The following MOSMO variants were observed in gnomAD, a reference collection of about 807,000 sequenced individuals.
The protein encoded by MOSMO is modulator of smoothened, also known as modulator of smoothened protein.
In MOSMO, 5 loss-of-function variants were observed where a neutral mutation model predicts 18.4. That is an observed-to-expected ratio of 0.27 (90% CI 0.14 to 0.57). MOSMO has a LOEUF of 0.57. Among genes scored for constraint, MOSMO ranks in the 20% least tolerant of loss-of-function variants. The probability of loss-of-function intolerance (pLI) is 0.92; values close to 1 mark genes in which losing one functional copy is unlikely to be tolerated. For synonymous variants in MOSMO, 82 were observed against 82.3 expected (o/e 1.00, Z 0.02); for missense variants, 138 against 211.8 (o/e 0.65, Z 2.16).
intron 1 of MOSMO, among the ~76,000 whole-genome samples, chr16:22,066,136 G>T (rs1270760033): frequency 6.6e-6 from 1 of 152,084 alleles, no homozygotes; most frequent in Non-Finnish European, 1.5e-5. Context: ...AGGGCAGGGG[G>T]TTTGGTACTT....
At chr16:22,029,537 C>T (rs985131033) in intron 1 of MOSMO, among the ~76,000 whole-genome samples, 1 of 152,204 alleles carries the variant, frequency 6.6e-6, no homozygotes, top group Non-Finnish European at 1.5e-5. Flanking sequence ...ACTTTACACA[C>T]TTAAGTCTGC....
chr16:22,086,049 C>G (rs952564837), downstream of MOSMO: 20 of 152,158 alleles, frequency 1.3e-4, no homozygotes, highest in Admixed American at 1.2e-3. Context: ...TCCAAAGTCA[C>G]TCAACTAGAT....
intron 1 of MOSMO, 50 bp from the exon 2 acceptor site, chr16:22,075,437 C>A: frequency 7.0e-7 from 1 of 1,426,334 alleles, no homozygotes; most frequent in Non-Finnish European, 9.6e-7. Flanking sequence ...GGAATATTCC[C>A]TGGACAGGCC....
chr16:22,043,205 T>A (rs962312692), intron 1 of MOSMO, among the ~76,000 whole-genome samples: 7 of 152,186 alleles, frequency 4.6e-5, no homozygotes, highest in Admixed American at 4.6e-4. Context: ...GGCCATTAGG[T>A]TGCTAGCATG....
At chr16:22,041,983 T>C (rs74948583) in intron 1 of MOSMO, among the ~76,000 whole-genome samples, 465 of 152,290 alleles carry the variant, frequency 3.1e-3, no homozygotes, top group African/African-American at 0.01. Context: ...ACTATGCCTA[T>C]TCATCTTCTT....
At chr16:22,053,530 C>G (rs945916251) in intron 1 of MOSMO, among the ~76,000 whole-genome samples, 1 of 151,932 alleles carries the variant, frequency 6.6e-6, no homozygotes, top group Non-Finnish European at 1.5e-5. Context: ...CAGCCAGGCA[C>G]GGGGGCTCAT....
intron 1 of MOSMO, among the ~76,000 whole-genome samples, chr16:22,042,113 G>A (rs930633693): frequency 1.3e-5 from 2 of 152,132 alleles, no homozygotes; most frequent in Non-Finnish European, 2.9e-5. Context: ...GTATGACCTT[G>A]ATTTTTTTCC....
intron 1 of MOSMO, among the ~76,000 whole-genome samples, chr16:22,056,365 C>CTTTTTT (rs35642716): frequency 5.1e-4 from 28 of 54,610 alleles, no homozygotes; most frequent in East Asian, 2.4e-3. Context: ...TTCTTTCTTT[C>CTTTTTT]TTTTTTTTTT....
At chr16:22,076,788 C>G (rs1900977920) in intron 2 of MOSMO, among the ~76,000 whole-genome samples, 1 of 152,186 alleles carries the variant, frequency 6.6e-6, no homozygotes. Flanking sequence ...TCATGAGCCT[C>G]TGTTTCTTCC....
chr16:22,041,728 T>C (rs1042599772), intron 1 of MOSMO, among the ~76,000 whole-genome samples: 1 of 152,084 alleles, frequency 6.6e-6, no homozygotes, highest in African/African-American at 2.4e-5. Flanking sequence ...TTGCCCAGGC[T>C]GGGCAGTTGC....
chr16:22,029,607 T>C (rs1899952975), intron 1 of MOSMO, among the ~76,000 whole-genome samples: 1 of 152,202 alleles, frequency 6.6e-6, no homozygotes, highest in Admixed American at 6.5e-5. Flanking sequence ...GGACTTTTAG[T>C]AGAATTAATT....
At chr16:22,008,845 G>C (rs1001433800) in intron 1 of MOSMO, among the ~76,000 whole-genome samples, 1 of 152,154 alleles carries the variant, frequency 6.6e-6, no homozygotes, top group African/African-American at 2.4e-5. Flanking sequence ...TGAGAGTGAG[G>C]CAGCCTGCGG....
At chr16:22,051,855 C>T (rs1289033188) in intron 1 of MOSMO, among the ~76,000 whole-genome samples, 3 of 152,096 alleles carry the variant, frequency 2.0e-5, no homozygotes. Context: ...TCCAGGTAGA[C>T]AGTGTCAGAA....
At chr16:22,075,817 T>C in intron 2 of MOSMO, 118 bp downstream of exon 2, 3 of 719,026 alleles carry the variant, frequency 4.2e-6, no homozygotes, top group Non-Finnish European at 7.1e-6. Flanking sequence ...GCACCACTTG[T>C]GTATGGCCGT....
intron 1 of MOSMO, among the ~76,000 whole-genome samples, chr16:22,072,722 G>A (rs1226017614): frequency 6.6e-6 from 1 of 151,512 alleles, no homozygotes; most frequent in African/African-American, 2.4e-5. Flanking sequence ...TGAGGCAGGA[G>A]AATGGCGTGA....
intron 1 of MOSMO, among the ~76,000 whole-genome samples, chr16:22,024,262 TTGAA>T (rs1899829219): frequency 6.6e-6 from 1 of 152,034 alleles, no homozygotes; most frequent in Admixed American, 6.5e-5. Context: ...TGAATGTTGA[TTGAA>T]TGAGTGAAAT....
chr16:22,051,638 A>G (rs1249322676), intron 1 of MOSMO, among the ~76,000 whole-genome samples: 1 of 152,160 alleles, frequency 6.6e-6, no homozygotes, highest in Non-Finnish European at 1.5e-5. Context: ...CTTTATATTA[A>G]TAATAAATCA....
intron 1 of MOSMO, among the ~76,000 whole-genome samples, chr16:22,025,385 T>C (rs1033614211): frequency 2.6e-5 from 4 of 152,182 alleles, no homozygotes; most frequent in Non-Finnish European, 5.9e-5. Flanking sequence ...TTGTAATAAA[T>C]ATTAAGTTGT....
At chr16:22,056,934 A>C (rs2141754340) in intron 1 of MOSMO, among the ~76,000 whole-genome samples, 1 of 152,340 alleles carries the variant, frequency 6.6e-6, no homozygotes, top group Middle Eastern at 3.4e-3. Flanking sequence ...ATATGTCCCT[A>C]AAATATAGCA....
Sources: allele counts gnomAD v4.1 joint callset (sites outside exome capture counted in the v4.1 genomes callset), GRCh38; gene constraint gnomAD v4.1.1; transcripts MANE v1.5; gene names NCBI Gene and HGNC (gene_info 2026-07-23, HGNC 2026-07-21).